The following IRAK2 variants were observed in gnomAD, a reference collection of about 807,000 sequenced individuals.
The protein encoded by IRAK2 is interleukin 1 receptor associated kinase 2.
A neutral mutation model predicts 72.0 loss-of-function variants in IRAK2; 57 were observed. The ratio of observed to expected loss-of-function variants is 0.79; its 90% CI spans 0.64 to 0.99. The LOEUF is 0.99. IRAK2 is among the 50% of genes least tolerant of loss of function. The probability of loss-of-function intolerance (pLI) is 0.00; values close to 1 mark genes in which losing one functional copy is unlikely to be tolerated. For synonymous variants in IRAK2, 293 were observed against 312.7 expected, an observed-to-expected ratio of 0.94 and a Z score of 0.67; for missense variants, 790 against 794.4, an observed-to-expected ratio of 0.99 and a Z score of 0.07.
chr3:10,238,890 C>T lies in IRAK2; in HGVS notation c.1616C>T (p.Ala539Val). The T allele has an allele frequency of 6.2e-7, 1 of 1,614,114 alleles. No individual in the cohort carries two copies. Among genetic ancestry groups the T allele is most frequent in the Non-Finnish European group, 8.5e-7 (1 of 1,180,002 alleles). Residue 539 changes from alanine (A) to valine (V), a missense_variant, in exon 12 of 13, where the codon GCC becomes GTC. Ala to Val is a moderately conservative substitution (Grantham distance 64, BLOSUM62 0). Coordinates refer to ENST00000256458, the MANE Select transcript of IRAK2 (RefSeq NM_001570.4). Reference sequence around the variant, plus strand: ...GACGTTGACAATTCCAGCCTTGATGCCTCCTCCTCCATGAGTGTGGCACCC... The same window carrying T: ...GACGTTGACAATTCCAGCCTTGATGTCTCCTCCTCCATGAGTGTGGCACCC... The part of the protein sequence containing the change: ...TDDVDNSSLD[A>V]SSSMSVAPWA...
At position 10,214,391 on chromosome 3, in the gene IRAK2, C is replaced by CTTTTTTTTTTT. The variant is rs534445139; in HGVS notation, c.788+853_788+863dup. 4.0e-4 allele frequency among the ~76,000 whole-genome samples: 38 copies of CTTTTTTTTTTT among 95,408 alleles called. 1 individual carries two copies. The highest frequency in any genetic ancestry group is 5.0e-4 in the Non-Finnish European group (25 of 50,270). The allele number at this position is 95,408 out of a possible 152,430, so 62.6% of individuals were successfully genotyped here. A position where few individuals can be genotyped will look rare whatever the true frequency, so the allele number is the denominator to read the frequency against. ...AGGTGTGCGCCCAGCTCATTTTTTG[C>CTTTTTTTTTTT]TTTTTTTTTTTTTTTTTTTTGTAGA... On this transcript the variant is annotated intron_variant, in intron 6 of 12. Transcript: ENST00000256458.
intron 1 of IRAK2, 25 bp downstream of exon 1, chr3:10,165,073 G>T: frequency 6.3e-7 from 1 of 1,589,170 alleles, no homozygotes. Flanking sequence ...GGGAGGGGAG[G>T]GGACCAGGGC....
At chr3:10,219,852 C>A in intron 8 of IRAK2, 63 bp downstream of exon 8, 1 of 1,098,166 alleles carries the variant, frequency 9.1e-7, no homozygotes, top group Non-Finnish European at 1.4e-6. Context: ...GGTGCCTATT[C>A]CTGGCTCACC....
intron 1 of IRAK2, among the ~76,000 whole-genome samples, chr3:10,173,833 T>G (rs548136407): frequency 6.6e-6 from 1 of 151,904 alleles, no homozygotes; most frequent in Admixed American, 6.6e-5. Context: ...TGAAAAAAAC[T>G]AAATAAAATA....
chr3:10,234,258 A>C (rs1697912829), intron 10 of IRAK2, among the ~76,000 whole-genome samples: 1 of 152,064 alleles, frequency 6.6e-6, no homozygotes, highest in Admixed American at 6.6e-5. Context: ...TTCACTATGG[A>C]GTGCCCTGTG....
intron 7 of IRAK2, among the ~76,000 whole-genome samples, chr3:10,219,284 T>C (rs961231865): frequency 6.6e-6 from 1 of 151,934 alleles, no homozygotes; most frequent in African/African-American, 2.4e-5. Flanking sequence ...ATCAGGAGCC[T>C]GGGACCCTGC....
intron 4 of IRAK2, among the ~76,000 whole-genome samples, chr3:10,212,959 G>T (rs538241286): frequency 6.6e-6 from 1 of 151,832 alleles, no homozygotes; most frequent in African/African-American, 2.4e-5. Flanking sequence ...TAGTAGAGAC[G>T]GGGTTTCACT....
At chr3:10,182,576 C>T (rs931368706) in intron 2 of IRAK2, among the ~76,000 whole-genome samples, 16 of 149,694 alleles carry the variant, frequency 1.1e-4, no homozygotes, top group Middle Eastern at 3.3e-3. Context: ...CCACTGCGCC[C>T]GGCCTTGTAT....
At position 10,177,828 on chromosome 3, in the gene IRAK2, T is replaced by C. The variant is rs1335060828; in HGVS notation, c.95-10T>C. Reference sequence around the variant, plus strand: ...CTGACTCTAAGCAGAGTTCTCTCCGTCCCTTCCAGCCTCCTACGTGATCAC... The same window carrying C: ...CTGACTCTAAGCAGAGTTCTCTCCGCCCCTTCCAGCCTCCTACGTGATCAC... On this transcript the variant is annotated splice_polypyrimidine_tract_variant and intron_variant, in intron 1 of 12. Transcript: ENST00000256458. 24 of 1,610,768 alleles carry C rather than the reference T, an allele frequency of 1.5e-5. No homozygotes were observed. Among genetic ancestry groups the C allele is most frequent in the South Asian group, 2.2e-5 (2 of 91,092 alleles).
chr3:10,225,042 C>T (rs1258054960), intron 9 of IRAK2, among the ~76,000 whole-genome samples: 1 of 151,904 alleles, frequency 6.6e-6, no homozygotes, highest in Non-Finnish European at 1.5e-5. Context: ...AGGGACCTGT[C>T]AGGAGTCCCT....
In IRAK2 at chr3:10,174,089, T is replaced by G. The variant is rs1356482778; in HGVS notation, c.95-3749T>G. The stretch of plus-strand genomic sequence containing the variant: ...GTCATGCTGCCTCCCAAGATGGGAG[T>G]GTGTGTGGATGACCAATGCTTCGTG... On this transcript the variant is annotated intron_variant, in intron 1 of 12. Transcript: ENST00000256458. 2.0e-5 allele frequency among the ~76,000 whole-genome samples: 3 copies of G among 151,756 alleles called. No homozygotes were observed. The East Asian group carries it at 5.8e-4, about 29-fold the overall frequency.
chr3:10,175,117 TTTTA>T (rs755376297), intron 1 of IRAK2, among the ~76,000 whole-genome samples: 26 of 151,870 alleles, frequency 1.7e-4, no homozygotes, highest in Non-Finnish European at 3.5e-4. Flanking sequence ...ATTTTTAAAT[TTTTA>T]TTTATTTTTA....
rs370168228 is a variant in IRAK2, at chr3:10,232,272, C to T, written c.1273-2187C>T. Among the ~76,000 whole-genome samples, 17 of 152,344 alleles carry T rather than the reference C, an allele frequency of 1.1e-4. No individual in the cohort carries two copies. The East Asian group carries it at 1.5e-3, about 14-fold the overall frequency. On this transcript the variant is annotated intron_variant, in intron 10 of 12. Coordinates refer to ENST00000256458, the MANE Select transcript of IRAK2 (RefSeq NM_001570.4). ...CTCACATTCTGGGTTTTGCTCATTA[C>T]ATCCTGTGGTCTCCTTCCCTTGTTT... is the stretch of plus-strand genomic sequence containing the variant.
intron 2 of IRAK2, among the ~76,000 whole-genome samples, chr3:10,181,207 C>T (rs1039580869): frequency 6.6e-6 from 1 of 152,178 alleles, no homozygotes; most frequent in African/African-American, 2.4e-5. Context: ...CTGGAACCCA[C>T]CTGAAACCCC....
intron 2 of IRAK2, among the ~76,000 whole-genome samples, chr3:10,183,670 A>G (rs998424317): frequency 6.6e-6 from 1 of 152,148 alleles, no homozygotes; most frequent in Admixed American, 6.6e-5. Context: ...GCAGTGAGCC[A>G]AGATGGCACC....
intron 3 of IRAK2, among the ~76,000 whole-genome samples, chr3:10,208,681 T>G (rs1484128886): frequency 6.6e-6 from 1 of 151,078 alleles, no homozygotes; most frequent in African/African-American, 2.4e-5. Flanking sequence ...GAGAATGGTG[T>G]GAACCCGGGA....
chr3:10,197,722 G>A (rs1013570860), intron 2 of IRAK2, among the ~76,000 whole-genome samples: 1 of 150,166 alleles, frequency 6.7e-6, no homozygotes, highest in Admixed American at 6.7e-5. Flanking sequence ...TGTGGTGGTG[G>A]GCGCCTATAG....
chr3:10,227,405 A>G (rs2675490), intron 10 of IRAK2, among the ~76,000 whole-genome samples: 108,193 of 151,706 alleles, frequency 0.71, 39,146 homozygotes, highest in East Asian at 0.99. Context: ...CCAAGATTGC[A>G]CCACTGCACT....
Position 10,201,120 on chromosome 3 carries a change from G to A in IRAK2, c.424+605G>A, listed in dbSNP as rs192157113. Among the ~76,000 whole-genome samples, 175 of 152,290 alleles carry A rather than the reference G, an allele frequency of 1.1e-3. 1 individual carries two copies. The highest frequency in any genetic ancestry group is 4.1e-3 in the African/African-American group (171 of 41,562). On this transcript the variant is annotated intron_variant, in intron 3 of 12. Transcript: ENST00000256458. ...AAAAGAAATAGCTCGGTAATTGGAGGCTTTCTAGTGCCAGACACTATTCCA... is the reference window on the plus strand; with the variant it reads ...AAAAGAAATAGCTCGGTAATTGGAGACTTTCTAGTGCCAGACACTATTCCA...
Sources: allele counts gnomAD v4.1 joint callset (sites outside exome capture counted in the v4.1 genomes callset), GRCh38; gene constraint gnomAD v4.1.1; transcripts MANE v1.5; gene names NCBI Gene and HGNC (gene_info 2026-07-23, HGNC 2026-07-21).